The following PDZD2 variants were observed in gnomAD, a reference collection of about 807,000 sequenced individuals.
The protein encoded by PDZD2 is PDZ domain-containing protein 2.
In PDZD2, 90 loss-of-function variants were observed where a neutral mutation model predicts 220.7. The ratio of observed to expected loss-of-function variants is 0.41; its 90% CI spans 0.34 to 0.49. The LOEUF (loss-of-function observed/expected upper bound fraction) is 0.49, where lower values mean the gene tolerates loss of function less well. Ranked by LOEUF, PDZD2 falls within the 20% of genes least tolerant of loss-of-function variation. The pLI is 0.28. For synonymous variants in PDZD2, 1,375 were observed against 1,450.5 expected, an observed-to-expected ratio of 0.95 and a Z score of 1.18; for missense variants, 3,174 against 3,608.5, an observed-to-expected ratio of 0.88 and a Z score of 3.08.
chr5:31,840,544 C>G, intron 2 of PDZD2: 1 of 658,980 alleles, frequency 1.5e-6, no homozygotes. Context: ...CTCCTTCCCA[C>G]TGGTTCTCAC....
chr5:31,893,396 A>C (rs10472794), intron 2 of PDZD2, among the ~76,000 whole-genome samples: 96,693 of 152,038 alleles, frequency 0.64, 31,806 homozygotes, highest in African/African-American at 0.8. Flanking sequence ...CATGGTGAAA[A>C]CCCGTCTCTA....
chr5:31,869,678 C>T (rs958335511), intron 2 of PDZD2, among the ~76,000 whole-genome samples: 4 of 152,164 alleles, frequency 2.6e-5, no homozygotes, highest in Non-Finnish European at 5.9e-5. Context: ...TAGGTAGTGA[C>T]GGGGACTCCC....
chr5:31,901,160 G>C (rs946464831), intron 2 of PDZD2, among the ~76,000 whole-genome samples: 8 of 152,172 alleles, frequency 5.3e-5, no homozygotes, highest in African/African-American at 1.9e-4. Flanking sequence ...GCTCATGCCT[G>C]TAATCCCAGC....
chr5:31,733,626 A>T (rs1374218157), intron 1 of PDZD2, among the ~76,000 whole-genome samples: 1 of 152,142 alleles, frequency 6.6e-6, no homozygotes, highest in East Asian at 1.9e-4. Context: ...GGTACGATAG[A>T]AGCTTTGCCT....
At chr5:31,643,977 C>T (rs564868737) in intron 1 of PDZD2, among the ~76,000 whole-genome samples, 6 of 151,880 alleles carry the variant, frequency 4.0e-5, no homozygotes, top group South Asian at 4.2e-4. Context: ...CAGACACCAC[C>T]GCACCTGGCT....
In PDZD2 at chr5:31,799,169, C is replaced by T; in HGVS notation, c.-80C>T. The T allele has an allele frequency of 1.1e-6, 1 of 914,376 alleles. No homozygotes were observed. Among genetic ancestry groups the T allele is most frequent in the Non-Finnish European group, 1.7e-6 (1 of 600,072 alleles). The allele number at this position is 914,376 out of a possible 1,614,324, so 56.6% of individuals were successfully genotyped here. ...GGCAAAGCTGATGATGGCCAGGGAC[C>T]CCAGGGGACGTGGGGCCCTGTGGGG... On this transcript the variant is annotated 5_prime_UTR_variant, in exon 2 of 25. Coordinates refer to ENST00000438447, the MANE Select transcript of PDZD2 (RefSeq NM_178140.4).
chr5:32,043,798 TG>T (rs1737659136), intron 7 of PDZD2, among the ~76,000 whole-genome samples: 1 of 152,034 alleles, frequency 6.6e-6, no homozygotes, highest in Non-Finnish European at 1.5e-5. Context: ...TGGCTAATTT[TG>T]TATTTTTAGT....
At chr5:32,003,509 A>AC (rs1752557911) in intron 5 of PDZD2, among the ~76,000 whole-genome samples, 1 of 133,506 alleles carries the variant, frequency 7.5e-6, no homozygotes, top group African/African-American at 2.9e-5. Flanking sequence ...ATAAACAAAC[A>AC]CCACACATAC....
At chr5:31,680,212 G>C (rs1262563612) in intron 1 of PDZD2, among the ~76,000 whole-genome samples, 1 of 152,172 alleles carries the variant, frequency 6.6e-6, no homozygotes, top group Non-Finnish European at 1.5e-5. Flanking sequence ...AAGGCCCTCG[G>C]CTGATTGTCA....
At chr5:31,835,617 CAAA>C (rs35183763) in intron 2 of PDZD2, among the ~76,000 whole-genome samples, 1 of 142,844 alleles carries the variant, frequency 7.0e-6, no homozygotes, top group African/African-American at 2.6e-5. Flanking sequence ...CACTCCATCT[CAAA>C]AAAAAAAAAA....
chr5:31,815,568 ATCTT>A (rs751219266), intron 2 of PDZD2, among the ~76,000 whole-genome samples: 14 of 152,128 alleles, frequency 9.2e-5, no homozygotes, highest in Non-Finnish European at 1.9e-4. Context: ...TGAAGTCTCT[ATCTT>A]AATGTTAACG....
chr5:32,095,905 T>A (rs765108664), intron 21 of PDZD2, among the ~76,000 whole-genome samples: 2 of 123,674 alleles, frequency 1.6e-5, no homozygotes, highest in Admixed American at 8.2e-5. Flanking sequence ...CATGCCCGGC[T>A]TTTTTTTTTT....
At chr5:31,729,246 G>A (rs1315746303) in intron 1 of PDZD2, among the ~76,000 whole-genome samples, 5 of 151,824 alleles carry the variant, frequency 3.3e-5, no homozygotes, top group East Asian at 1.9e-4. Context: ...ACAGGTGCCC[G>A]CCACTACACC....
chr5:31,679,885 C>A (rs1228528893), intron 1 of PDZD2, among the ~76,000 whole-genome samples: 1 of 152,160 alleles, frequency 6.6e-6, no homozygotes, highest in Non-Finnish European at 1.5e-5. Flanking sequence ...CTATGTAAAC[C>A]TAGGGTTATT....
intron 1 of PDZD2, among the ~76,000 whole-genome samples, chr5:31,643,912 C>G (rs1346518108): frequency 2.0e-5 from 3 of 152,010 alleles, no homozygotes; most frequent in South Asian, 2.1e-4. Flanking sequence ...TTGACCTCCC[C>G]GGCTCCAGTG....
intron 2 of PDZD2, among the ~76,000 whole-genome samples, chr5:31,977,354 C>T (rs1238691765): frequency 6.6e-6 from 1 of 152,152 alleles, no homozygotes; most frequent in African/African-American, 2.4e-5. Flanking sequence ...TGCCTCAAGC[C>T]CTCTTTTAAT....
intron 2 of PDZD2, among the ~76,000 whole-genome samples, chr5:31,886,900 C>T (rs138301064): frequency 0.064 from 9,688 of 152,048 alleles, 499 homozygotes; most frequent in Non-Finnish European, 0.089. Context: ...GGTTTCACCA[C>T]ATTGGCCAGG....
chr5:31,765,716 CT>C (rs1183170649), intron 1 of PDZD2, among the ~76,000 whole-genome samples: 1 of 152,166 alleles, frequency 6.6e-6, no homozygotes, highest in Admixed American at 6.5e-5. Flanking sequence ...TGACAGCATG[CT>C]GTGTGTCCTG....
intron 5 of PDZD2, among the ~76,000 whole-genome samples, chr5:32,009,452 G>A (rs1232695827): frequency 6.6e-6 from 1 of 152,036 alleles, no homozygotes; most frequent in African/African-American, 2.4e-5. Context: ...CTTGGGCCAG[G>A]TGCGGTGACT....
Sources: allele counts gnomAD v4.1 joint callset (sites outside exome capture counted in the v4.1 genomes callset), GRCh38; gene constraint gnomAD v4.1.1; transcripts MANE v1.5; gene names NCBI Gene and HGNC (gene_info 2026-07-23, HGNC 2026-07-21).